The following NFIB variants were observed in gnomAD, a reference collection of about 807,000 sequenced individuals.
NFIB encodes the protein nuclear factor 1 B-type.
Under a neutral mutation model 61.5 loss-of-function variants are expected in NFIB, and 11 were observed. That is an observed-to-expected ratio of 0.18 (90% CI 0.11 to 0.30). The LOEUF (loss-of-function observed/expected upper bound fraction) is 0.30, where lower values mean the gene tolerates loss of function less well. Among genes scored for constraint, NFIB ranks in the 10% least tolerant of loss-of-function variants. The pLI is 1.00. For synonymous variants in NFIB, 260 were observed against 216.5 expected (o/e 1.20, Z -1.76); for missense variants, 471 against 608.9 (o/e 0.77, Z 2.38).
rs955771975 is a variant in NFIB at position 14,085,476 on chromosome 9, T to TA, written c.*2832dup. On this transcript the variant is annotated 3_prime_UTR_variant, in exon 11 of 11. Coordinates refer to ENST00000380953, the MANE Select transcript of NFIB (RefSeq NM_001190737.2). ...AATATATAGTTAAGGTACCATTCCT[T>TA]AAAAAAATCCCATCAGCATCTAATG... The TA allele has an allele frequency of 3.6e-5, 8 of 221,298 alleles. No individual in the cohort carries two copies. The highest frequency in any genetic ancestry group is 2.7e-4 in the East Asian group (4 of 15,072). 13.7% of individuals were successfully genotyped at this position (221,298 alleles called of 1,614,324 possible). A position where few individuals can be genotyped will look rare whatever the true frequency, so the allele number is the denominator to read the frequency against.
At chr9:14,131,879 G>C (rs986391847) in intron 6 of NFIB, among the ~76,000 whole-genome samples, 1 of 152,074 alleles carries the variant, frequency 6.6e-6, no homozygotes, top group Non-Finnish European at 1.5e-5. Flanking sequence ...AGTGATCTAG[G>C]GCAAGCTCAA....
At chr9:14,385,858 C>T (rs997330802) in intron 1 of NFIB, among the ~76,000 whole-genome samples, 15 of 151,342 alleles carry the variant, frequency 9.9e-5, no homozygotes, top group African/African-American at 3.6e-4. Flanking sequence ...TCTCAGCTCA[C>T]TGAAACCTCC....
chr9:14,494,107 G>C, the NFIB span, among the ~76,000 whole-genome samples: 2 of 152,200 alleles, frequency 1.3e-5, no homozygotes, highest in African/African-American at 4.8e-5. Context: ...AGAGTTCCTG[G>C]TGGGATGTTG....
the NFIB span, among the ~76,000 whole-genome samples, chr9:14,487,828 C>T: frequency 6.6e-6 from 1 of 152,172 alleles, no homozygotes; most frequent in East Asian, 1.9e-4. Context: ...ACCTCCTCAG[C>T]TATGTCAGTA....
chr9:14,216,565 T>G, intron 2 of NFIB, among the ~76,000 whole-genome samples: 1 of 149,958 alleles, frequency 6.7e-6, no homozygotes, highest in South Asian at 2.2e-4. Flanking sequence ...TGTGTGTGTG[T>G]GTGTGTGTGT....
chr9:14,149,732 TA>T (rs750539287), intron 5 of NFIB, among the ~76,000 whole-genome samples: 27 of 152,222 alleles, frequency 1.8e-4, no homozygotes, highest in Non-Finnish European at 2.9e-4. Flanking sequence ...TGACACATTT[TA>T]TTTTTTATGT....
chr9:14,325,317 T>C (rs906719095), intron 1 of NFIB, among the ~76,000 whole-genome samples: 9 of 152,254 alleles, frequency 5.9e-5, no homozygotes, highest in African/African-American at 1.4e-4. Context: ...GCACAATTCA[T>C]TCCATAGAAC....
At chr9:14,414,900 G>C in the NFIB span, among the ~76,000 whole-genome samples, 1 of 152,180 alleles carries the variant, frequency 6.6e-6, no homozygotes, top group Non-Finnish European at 1.5e-5. Context: ...CACACTGTCA[G>C]ATAAGCCAAA....
intron 3 of NFIB, among the ~76,000 whole-genome samples, chr9:14,165,331 A>G (rs894069005): frequency 6.6e-6 from 1 of 152,178 alleles, no homozygotes; most frequent in Non-Finnish European, 1.5e-5. Flanking sequence ...CTCTCATCGA[A>G]ACAAAACAAT....
chr9:14,324,495 A>C (rs1484109189), intron 1 of NFIB, among the ~76,000 whole-genome samples: 1 of 152,196 alleles, frequency 6.6e-6, no homozygotes, highest in Non-Finnish European at 1.5e-5. Flanking sequence ...CCGCAGCAGA[A>C]TTACCAATCC....
At chr9:14,287,652 C>A (rs928727262) in intron 2 of NFIB, among the ~76,000 whole-genome samples, 1 of 151,804 alleles carries the variant, frequency 6.6e-6, no homozygotes, top group African/African-American at 2.4e-5. Flanking sequence ...GAACTACTGA[C>A]CTCGTGATCC....
intron 1 of NFIB, among the ~76,000 whole-genome samples, chr9:14,375,366 C>T (rs2061405715): frequency 6.6e-6 from 1 of 152,126 alleles, no homozygotes; most frequent in Admixed American, 6.5e-5. Flanking sequence ...CCAGAAGTAC[C>T]TGGGGACAGG....
Position 14,211,525 on chromosome 9 carries a change from T to C in NFIB, c.563-31745A>G, listed in dbSNP as rs537009934. Among the ~76,000 whole-genome samples the C allele has an allele frequency of 3.9e-4, 59 of 152,238 alleles. 2 individuals carry two copies. Among genetic ancestry groups the C allele is most frequent in the Admixed American group, 2.2e-3 (33 of 15,288 alleles). On this transcript the variant is annotated intron_variant, in intron 2 of 10. Coordinates refer to ENST00000380953, the MANE Select transcript of NFIB (RefSeq NM_001190737.2). ...ATAAAAGCTTTGACCACTCCCATTG[T>C]CTACCTTAAAAAAATACTAGTATAG...
At chr9:14,485,026 T>G in the NFIB span, among the ~76,000 whole-genome samples, 2 of 151,942 alleles carry the variant, frequency 1.3e-5, no homozygotes, top group African/African-American at 2.4e-5. Context: ...GAGAGAGAGA[T>G]TGATTGATTC....
intron 1 of NFIB, chr9:14,357,671 C>G (rs1013042801): frequency 2.0e-5 from 3 of 152,118 alleles, no homozygotes; most frequent in African/African-American, 7.2e-5. Flanking sequence ...AACTTATGTC[C>G]ACGTAAAAAC....
At chr9:14,265,117 T>A (rs2057088863) in intron 2 of NFIB, among the ~76,000 whole-genome samples, 1 of 152,222 alleles carries the variant, frequency 6.6e-6, no homozygotes, top group Admixed American at 6.5e-5. Flanking sequence ...TATCTAGGTC[T>A]CAGCAATGTT....
the NFIB span, among the ~76,000 whole-genome samples, chr9:14,504,286 C>G: frequency 6.6e-6 from 1 of 152,102 alleles, no homozygotes; most frequent in Non-Finnish European, 1.5e-5. Context: ...GTTCCTTTTG[C>G]TTAGTCTTGC....
At chr9:14,167,172 G>C (rs1206897971) in intron 3 of NFIB, among the ~76,000 whole-genome samples, 1 of 151,740 alleles carries the variant, frequency 6.6e-6, no homozygotes, top group Admixed American at 6.6e-5. Context: ...ATCTGAAGAT[G>C]AGGGTAGACG....
At chr9:14,387,508 A>C (rs907445628) in intron 1 of NFIB, among the ~76,000 whole-genome samples, 1 of 152,242 alleles carries the variant, frequency 6.6e-6, no homozygotes, top group African/African-American at 2.4e-5. Flanking sequence ...AGTCATTAAA[A>C]ATCAGTGAGA....
Sources: gnomAD v4.1 joint callset for allele counts (sites outside exome capture counted in the v4.1 genomes callset) on GRCh38, gnomAD v4.1.1 for gene constraint, MANE v1.5 for transcripts, NCBI Gene and HGNC (gene_info 2026-07-23, HGNC 2026-07-21) for gene names.